Variants in ZC3H7A observed in about 807,000 individuals in gnomAD.
ZC3H7A encodes zinc finger CCCH-type containing 7A, also known as zinc finger CCCH domain-containing protein 7A.
Under a neutral mutation model 125.5 loss-of-function variants are expected in ZC3H7A, and 44 were observed. The observed-to-expected ratio is 0.35, with a 90% CI of 0.28 to 0.45. ZC3H7A has a LOEUF of 0.45. ZC3H7A is among the 20% of genes least tolerant of loss of function. ZC3H7A has a pLI of 1.00. For synonymous variants in ZC3H7A, 399 were observed against 391.2 expected (o/e 1.02, Z -0.23); for missense variants, 977 against 1,170.7 (o/e 0.83, Z 2.41).
At chr16:11,760,219 C>T (rs2052729930) in intron 19 of ZC3H7A, among the ~76,000 whole-genome samples, 1 of 150,316 alleles carries the variant, frequency 6.7e-6, no homozygotes, top group African/African-American at 2.5e-5. Flanking sequence ...TAATGTTGCA[C>T]AGTAGTACAC....
chr16:11,775,054 A>T (rs774178081), intron 7 of ZC3H7A, 41 bp from the exon 8 acceptor site: 6 of 1,607,382 alleles, frequency 3.7e-6, no homozygotes, highest in Non-Finnish European at 5.1e-6. Flanking sequence ...TATTTTCAGG[A>T]CTCTAAGCCA....
chr16:11,774,296 G>A lies in ZC3H7A; in HGVS notation c.843C>T (p.Val281=). ...PEAFLDDGDM[V]LGDELDDLLD... ...GCAGGTCATCTAGTTCATCTCCAAG[G>A]ACCATATCTCCATCATCTAGAAAAG... The change falls in exon 9 of 23, where the codon GTC becomes GTT. Residue 281 remains valine (V), a synonymous_variant. Coordinates refer to ENST00000355758, the MANE Select transcript of ZC3H7A (RefSeq NM_014153.4). 6.2e-7 allele frequency: 1 copy of A among 1,613,736 alleles called. No homozygotes were observed. The highest frequency in any genetic ancestry group is 1.1e-5 in the South Asian group (1 of 90,978).
chr16:11,781,468 A>G lies in ZC3H7A; in HGVS notation c.69-4T>C. ...TCCTGGATATGACAGCGGTGACCTA[A>G]GAAGAAGAAACAAATTAACTGTAAT... is the stretch of plus-strand genomic sequence containing the variant. On this transcript the variant is annotated splice_polypyrimidine_tract_variant and splice_region_variant and intron_variant, in intron 2 of 22. Coordinates refer to ENST00000355758, the MANE Select transcript of ZC3H7A (RefSeq NM_014153.4). The G allele has an allele frequency of 6.2e-7, 1 of 1,602,940 alleles. No individual in the cohort carries two copies. The highest frequency in any genetic ancestry group is 1.7e-5 in the Admixed American group (1 of 59,856).
chr16:11,771,239 T>C (rs1053316633), intron 9 of ZC3H7A, among the ~76,000 whole-genome samples: 1 of 151,866 alleles, frequency 6.6e-6, no homozygotes, highest in Non-Finnish European at 1.5e-5. Flanking sequence ...ATACAAAACA[T>C]TGGCTGTGCA....
At chr16:11,769,498 A>C (rs541758291) in intron 10 of ZC3H7A, among the ~76,000 whole-genome samples, 4 of 151,816 alleles carry the variant, frequency 2.6e-5, no homozygotes, top group Non-Finnish European at 5.9e-5. Context: ...ACTTGAGGTC[A>C]GGAGTTTGAG....
chr16:11,789,730 A>G (rs1349959193), intron 1 of ZC3H7A, among the ~76,000 whole-genome samples: 1 of 152,118 alleles, frequency 6.6e-6, no homozygotes, highest in Non-Finnish European at 1.5e-5. Flanking sequence ...TCCAATCTTT[A>G]AAGGTCACCA....
At position 11,756,224 on chromosome 16, in the gene ZC3H7A, G is replaced by A. The variant is rs369174504; in HGVS notation, c.2562+13C>T. 32 of 1,606,710 alleles carry A rather than the reference G, an allele frequency of 2.0e-5. No homozygotes were observed. In the East Asian group the frequency reaches 2.7e-4, roughly 13 times the overall value. ...GCTCGGCAAAGAGAGGGTAAATGAC[G>A]CACGGTACTCACTGTAACTTCAGCA... On this transcript the variant is annotated intron_variant, in intron 21 of 22. Coordinates refer to ENST00000355758, the MANE Select transcript of ZC3H7A (RefSeq NM_014153.4).
At chr16:11,753,365 T>A (rs1265552465) in intron 21 of ZC3H7A, among the ~76,000 whole-genome samples, 1 of 152,270 alleles carries the variant, frequency 6.6e-6, no homozygotes, top group African/African-American at 2.4e-5. Flanking sequence ...TTCCCAAATG[T>A]CCTGGGCAAT....
In ZC3H7A at chr16:11,769,784, C is replaced by CTTTTTTTTTTTTTTTTTTTTTTTTTTTT. The variant is rs200241879; in HGVS notation, c.1109-690_1109-689insAAAAAAAAAAAAAAAAAAAAAAAAAAAA. 2.9e-4 allele frequency among the ~76,000 whole-genome samples: 18 copies of CTTTTTTTTTTTTTTTTTTTTTTTTTTTT among 61,614 alleles called. 2 individuals carry two copies. Among genetic ancestry groups the CTTTTTTTTTTTTTTTTTTTTTTTTTTTT allele is most frequent in the African/African-American group, 3.9e-4 (4 of 10,270 alleles). The allele number at this position is 61,614 out of a possible 152,430, so 40.4% of individuals were successfully genotyped here. ...AATCAGTAAAGTTTTCAATTGCTTT[C>CTTTTTTTTTTTTTTTTTTTTTTTTTTTT]TTTTTTTTTTTTTTTTTTTTTTTGA... On this transcript the variant is annotated intron_variant, in intron 10 of 22. Transcript: ENST00000355758.
intron 1 of ZC3H7A, among the ~76,000 whole-genome samples, chr16:11,789,136 A>T (rs780341202): frequency 6.6e-6 from 1 of 152,212 alleles, no homozygotes; most frequent in African/African-American, 2.4e-5. Flanking sequence ...TGCTACAGTT[A>T]TATGTCACCA....
Position 11,765,201 on chromosome 16 carries a change from T to A in ZC3H7A, c.1720-48A>T. ...ATCAAAAAAAATACAAAATATAAAT[T>A]TTGTACCCAGAATATTGTCCTAGTT... On this transcript the variant is annotated intron_variant, in intron 14 of 22. Coordinates refer to ENST00000355758, the MANE Select transcript of ZC3H7A (RefSeq NM_014153.4). The surrounding 1 kb of genome is among the most constrained non-coding windows in gnomAD (Gnocchi z 4.8). 1 of 1,215,702 alleles carries A rather than the reference T, an allele frequency of 8.2e-7. No individual in the cohort carries two copies. The highest frequency in any genetic ancestry group is 1.1e-6 in the Non-Finnish European group (1 of 879,534). 75.3% of individuals were successfully genotyped at this position (1,215,702 alleles called of 1,614,324 possible).
At chr16:11,772,291 C>G (rs2052998496) in intron 9 of ZC3H7A, among the ~76,000 whole-genome samples, 1 of 151,482 alleles carries the variant, frequency 6.6e-6, no homozygotes, top group African/African-American at 2.4e-5. Flanking sequence ...GCTGGAGAAG[C>G]CCATGAAGAT....
intron 7 of ZC3H7A, among the ~76,000 whole-genome samples, 185 bp from the exon 8 acceptor site, chr16:11,775,198 C>T (rs2053058855): frequency 1.3e-5 from 2 of 151,996 alleles, no homozygotes; most frequent in African/African-American, 4.8e-5. Flanking sequence ...TGGTGAAACC[C>T]TGTCTCTACT....
In ZC3H7A at chr16:11,776,812, T is replaced by C; in HGVS notation, c.404A>G (p.Asp135Gly). 1 of 1,613,952 alleles carries C rather than the reference T, an allele frequency of 6.2e-7. No homozygotes were observed. Among genetic ancestry groups the C allele is most frequent in the South Asian group, 1.1e-5 (1 of 91,024 alleles). ...ALYRKSKALS[D>G]LGRYKKAYDA... is the part of the protein sequence containing the mutation. ...GTAAGCCTTTTTGTATCTTCCTAAATCACTTAAAGCCTTAGATTTCCGATA... is the reference window on the plus strand; with the variant it reads ...GTAAGCCTTTTTGTATCTTCCTAAACCACTTAAAGCCTTAGATTTCCGATA... The change falls in exon 5 of 23, where the codon GAT (aspartate) becomes GGT (glycine). Residue 135 changes from aspartate to glycine, a missense_variant. By Grantham distance (94) the Asp-to-Gly change is moderately conservative. Around this residue, in one of 3 missense-constraint regions of ZC3H7A, gnomAD observed 199 missense variants for 256.1 expected, o/e 0.78. Coordinates refer to ENST00000355758, the MANE Select transcript of ZC3H7A (RefSeq NM_014153.4).
At chr16:11,756,598 GATTA>G (rs913681515) in intron 20 of ZC3H7A, among the ~76,000 whole-genome samples, 2 of 152,138 alleles carry the variant, frequency 1.3e-5, no homozygotes, top group Admixed American at 6.5e-5. Context: ...TAGTTCTCAG[GATTA>G]ATTAACCCCT....
At chr16:11,764,867 TTTAG>T (rs1389132024) in intron 15 of ZC3H7A, 182 bp downstream of exon 15, 7 of 468,728 alleles carry the variant, frequency 1.5e-5, no homozygotes, top group African/African-American at 4.1e-5. Flanking sequence ...ACATAATATA[TTTAG>T]TTAATTATTC....
At chr16:11,758,344 G>T in intron 20 of ZC3H7A, 87 bp downstream of exon 20, 1 of 972,848 alleles carries the variant, frequency 1.0e-6, no homozygotes, top group Non-Finnish European at 1.6e-6. Flanking sequence ...ACTGCTTTCT[G>T]TGTTCACAGG....
At chr16:11,791,766 G>A (rs2053355757) in intron 1 of ZC3H7A, among the ~76,000 whole-genome samples, 1 of 152,224 alleles carries the variant, frequency 6.6e-6, no homozygotes, top group African/African-American at 2.4e-5. Flanking sequence ...AAGGTGGGAA[G>A]TGAATCAATA....
At chr16:11,772,582 C>T (rs550430793) in intron 9 of ZC3H7A, among the ~76,000 whole-genome samples, 1 of 151,762 alleles carries the variant, frequency 6.6e-6, no homozygotes, top group African/African-American at 2.4e-5. Flanking sequence ...CTTTTGCACA[C>T]TGACACCATC....
Sources: gnomAD v4.1 joint callset for allele counts (sites outside exome capture counted in the v4.1 genomes callset) on GRCh38, gnomAD v4.1.1 for gene constraint, gnomAD v4.1.1 regional missense constraint, Gnocchi (gnomAD v3.1) non-coding constraint, MANE v1.5 for transcripts, NCBI Gene and HGNC (gene_info 2026-07-23, HGNC 2026-07-21) for gene names.